The following DLGAP1 variants were observed in gnomAD, a reference collection of about 807,000 sequenced individuals.
DLGAP1 encodes the protein DLG associated protein 1, also known as disks large-associated protein 1.
In DLGAP1, 11 loss-of-function variants were observed where a neutral mutation model predicts 90.8. That is an observed-to-expected ratio of 0.12 (90% confidence interval 0.08 to 0.20). The LOEUF (loss-of-function observed/expected upper bound fraction) is 0.20. Ranked by LOEUF, DLGAP1 falls within the 10% of genes least tolerant of loss-of-function variation. DLGAP1 has a pLI of 1.00. For synonymous variants in DLGAP1, 558 were observed against 540.7 expected, an observed-to-expected ratio of 1.03 and a Z score of -0.44; for missense variants, 1,050 against 1,333.8, an observed-to-expected ratio of 0.79 and a Z score of 3.31.
At chr18:3,584,395 T>G (rs2055752911) in intron 7 of DLGAP1, among the ~76,000 whole-genome samples, 1 of 151,956 alleles carries the variant, frequency 6.6e-6, no homozygotes, top group South Asian at 2.1e-4. Flanking sequence ...AATGAAATAC[T>G]TGCTTCAACA....
intron 1 of DLGAP1, among the ~76,000 whole-genome samples, chr18:4,359,315 T>C (rs945811070): frequency 6.6e-6 from 1 of 152,112 alleles, no homozygotes; most frequent in Non-Finnish European, 1.5e-5. Flanking sequence ...TCCGCTGGAG[T>C]AGATCATAAG....
intron 2 of DLGAP1, among the ~76,000 whole-genome samples, chr18:4,061,927 C>G (rs369554373): frequency 1.3e-5 from 2 of 152,014 alleles, no homozygotes; most frequent in Admixed American, 1.3e-4. Flanking sequence ...AACAGGTGCT[C>G]TTAAATGCAG....
intron 1 of DLGAP1, among the ~76,000 whole-genome samples, chr18:4,196,911 G>A (rs1353142690): frequency 6.6e-6 from 1 of 152,006 alleles, no homozygotes; most frequent in Admixed American, 6.6e-5. Flanking sequence ...AGTGGCTCAC[G>A]CCTATAATCC....
chr18:3,816,207 C>A (rs1371364434), intron 4 of DLGAP1, among the ~76,000 whole-genome samples: 1 of 152,158 alleles, frequency 6.6e-6, no homozygotes, highest in Non-Finnish European at 1.5e-5. Flanking sequence ...CCAAAGGACA[C>A]ACAGCTAAAA....
At chr18:3,932,352 C>T (rs796878520) in intron 3 of DLGAP1, among the ~76,000 whole-genome samples, 12 of 152,236 alleles carry the variant, frequency 7.9e-5, no homozygotes, top group African/African-American at 2.6e-4. Flanking sequence ...TCTAGACAGC[C>T]GGCCAATAAC....
intron 2 of DLGAP1, among the ~76,000 whole-genome samples, chr18:4,091,269 A>G (rs2075769840): frequency 6.6e-6 from 1 of 152,150 alleles, no homozygotes; most frequent in African/African-American, 2.4e-5. Context: ...AAATAAAATA[A>G]AATTCTCATC....
At chr18:3,558,027 CTGT>C (rs1442578759) in intron 9 of DLGAP1, among the ~76,000 whole-genome samples, 1 of 151,998 alleles carries the variant, frequency 6.6e-6, no homozygotes, top group East Asian at 1.9e-4. Context: ...AATGTGTAAT[CTGT>C]TGTTGTTGGA....
At chr18:4,397,005 C>A (rs2082456344) in intron 1 of DLGAP1, among the ~76,000 whole-genome samples, 1 of 152,206 alleles carries the variant, frequency 6.6e-6, no homozygotes, top group African/African-American at 2.4e-5. Context: ...AACATGGGCT[C>A]TGGAGCCAGA....
intron 1 of DLGAP1, among the ~76,000 whole-genome samples, chr18:4,245,504 A>C (rs1449882720): frequency 6.6e-6 from 1 of 152,308 alleles, no homozygotes; most frequent in South Asian, 2.1e-4. Context: ...ATGAAACAAA[A>C]CAAACATTCC....
intron 1 of DLGAP1, among the ~76,000 whole-genome samples, chr18:4,332,652 T>G (rs114283707): frequency 0.01 from 1,562 of 152,030 alleles, 60 homozygotes; most frequent in African/African-American, 0.036. Flanking sequence ...CATTTGAATA[T>G]TTCACATTTG....
At chr18:4,234,019 T>A (rs2078353352) in intron 1 of DLGAP1, among the ~76,000 whole-genome samples, 1 of 152,072 alleles carries the variant, frequency 6.6e-6, no homozygotes, top group Non-Finnish European at 1.5e-5. Context: ...CTGACTCAGT[T>A]TGAGCAAAAT....
At chr18:3,854,476 G>A (rs920415634) in intron 4 of DLGAP1, among the ~76,000 whole-genome samples, 7 of 152,118 alleles carry the variant, frequency 4.6e-5, no homozygotes, top group East Asian at 1.9e-4. Context: ...TTAGATGAGC[G>A]ATTTAGAAAC....
At chr18:4,370,906 T>C (rs1180578471) in intron 1 of DLGAP1, among the ~76,000 whole-genome samples, 1 of 152,104 alleles carries the variant, frequency 6.6e-6, no homozygotes, top group Non-Finnish European at 1.5e-5. Flanking sequence ...TCCACAATAG[T>C]GGGCCTAGTG....
chr18:3,502,471 T>C, intron 12 of DLGAP1, 22 bp downstream of exon 12: 3 of 1,613,906 alleles, frequency 1.9e-6, no homozygotes, highest in Non-Finnish European at 2.5e-6. Flanking sequence ...AAATGAACCA[T>C]ACAAAATCTA....
intron 9 of DLGAP1, among the ~76,000 whole-genome samples, chr18:3,549,141 G>A (rs1351008518): frequency 6.6e-6 from 1 of 152,136 alleles, no homozygotes; most frequent in Non-Finnish European, 1.5e-5. Context: ...GTTCTAAAAG[G>A]CTGGTTATGA....
intron 7 of DLGAP1, among the ~76,000 whole-genome samples, chr18:3,600,885 G>GATATATAGAT (rs2056935728): frequency 7.2e-5 from 1 of 13,880 alleles, no homozygotes; most frequent in Admixed American, 6.2e-4. Flanking sequence ...TATATAGATA[G>GATATATAGAT]ATATATAGAT....
intron 1 of DLGAP1, among the ~76,000 whole-genome samples, chr18:4,227,194 C>A (rs1323817338): frequency 1.3e-5 from 2 of 151,816 alleles, no homozygotes; most frequent in African/African-American, 4.8e-5. Flanking sequence ...CATTAGAACA[C>A]CCTGATATTT....
chr18:4,201,785 C>T (rs1003901134), intron 1 of DLGAP1, among the ~76,000 whole-genome samples: 8 of 152,044 alleles, frequency 5.3e-5, no homozygotes, highest in Non-Finnish European at 7.4e-5. Context: ...TACCACTTTA[C>T]CCCAGTCAAA....
rs58513784 is a variant in DLGAP1, at chr18:4,135,790, C to CTT, written c.-159+15388_-159+15389dup. ...TTGTTGTAAATGAGAGAATCTGATT[C>CTT]TTTTTTTTTTTTTTTTTACGGCTGA... On this transcript the variant is annotated intron_variant, in intron 2 of 12. Coordinates refer to ENST00000315677, the MANE Select transcript of DLGAP1 (RefSeq NM_004746.4). Among the ~76,000 whole-genome samples the CTT allele has an allele frequency of 2.6e-3, 329 of 127,324 alleles. 2 individuals carry two copies. The highest frequency in any genetic ancestry group is 3.9e-3 in the East Asian group (17 of 4,340). The allele number at this position is 127,324 out of a possible 152,430, so 83.5% of individuals were successfully genotyped here. A position where few individuals can be genotyped will look rare whatever the true frequency, so the allele number is the denominator to read the frequency against.
Sources: gnomAD v4.1 joint callset for allele counts (sites outside exome capture counted in the v4.1 genomes callset) on GRCh38, gnomAD v4.1.1 for gene constraint, MANE v1.5 for transcripts, NCBI Gene and HGNC (gene_info 2026-07-23, HGNC 2026-07-21) for gene names.